The following CEP112 variants were observed in gnomAD, a reference collection of about 807,000 sequenced individuals.
The protein encoded by CEP112 is centrosomal protein of 112 kDa.
CEP112 carries 127 observed loss-of-function variants against 153.0 expected under a neutral mutation model. The observed-to-expected ratio is 0.83, with a 90% CI of 0.72 to 0.96. CEP112 has a LOEUF of 0.96. Ranked by LOEUF, CEP112 falls within the 40% of genes least tolerant of loss-of-function variation. The pLI is 0.00. For missense variants in CEP112, 1,089 were observed against 1,101.2 expected (o/e 0.99, Z 0.16); for synonymous variants, 358 against 374.4 (o/e 0.96, Z 0.51).
At chr17:65,731,760 C>A (rs540357750) in intron 23 of CEP112, among the ~76,000 whole-genome samples, 16 of 152,302 alleles carry the variant, frequency 1.1e-4, no homozygotes, top group Non-Finnish European at 1.9e-4. Flanking sequence ...AGCATCTTCA[C>A]CAGGATTAGA....
intron 16 of CEP112, among the ~76,000 whole-genome samples, chr17:66,014,444 T>C (rs1025364570): frequency 6.6e-6 from 1 of 152,144 alleles, no homozygotes; most frequent in South Asian, 2.1e-4. Context: ...ACAATTCTTT[T>C]AAGGCTAAAG....
intron 23 of CEP112, among the ~76,000 whole-genome samples, chr17:65,731,998 G>T (rs1221887108): frequency 2.0e-5 from 3 of 152,154 alleles, no homozygotes; most frequent in Admixed American, 1.3e-4. Flanking sequence ...CTCCTCCCAT[G>T]AATCAAAAAT....
chr17:65,894,242 C>T (rs192795933), intron 20 of CEP112, among the ~76,000 whole-genome samples: 2 of 152,108 alleles, frequency 1.3e-5, no homozygotes, highest in East Asian at 1.9e-4. Context: ...CAGAATAATG[C>T]TTTTTCTCTG....
intron 19 of CEP112, among the ~76,000 whole-genome samples, chr17:65,919,651 G>C (rs2060629443): frequency 1.3e-5 from 2 of 152,060 alleles, no homozygotes; most frequent in African/African-American, 4.8e-5. Context: ...GAAAGTCCCA[G>C]AATCTTGGTT....
chr17:65,821,504 A>G (rs1256078237), intron 21 of CEP112, among the ~76,000 whole-genome samples: 149 of 121,672 alleles, frequency 1.2e-3, no homozygotes, highest in Non-Finnish European at 2.2e-3. Flanking sequence ...AATTATATAT[A>G]TATATATAAT....
intron 8 of CEP112, among the ~76,000 whole-genome samples, chr17:66,076,128 T>C (rs1476716439): frequency 1.3e-5 from 2 of 152,176 alleles, no homozygotes; most frequent in East Asian, 1.9e-4. Context: ...GCTAGAGGCA[T>C]AGGGGGAAAT....
chr17:65,859,226 G>T (rs779601548), intron 20 of CEP112, among the ~76,000 whole-genome samples: 4 of 150,824 alleles, frequency 2.7e-5, no homozygotes, highest in Non-Finnish European at 5.9e-5. Flanking sequence ...GGCAGATCAC[G>T]AAGTCAGGAG....
chr17:65,886,279 T>C (rs1382239762), intron 20 of CEP112, among the ~76,000 whole-genome samples: 1 of 152,178 alleles, frequency 6.6e-6, no homozygotes, highest in Admixed American at 6.5e-5. Context: ...CTGACAGATG[T>C]CAGAGCCTTT....
chr17:65,761,846 G>A (rs1171472212), intron 21 of CEP112, among the ~76,000 whole-genome samples: 1 of 152,064 alleles, frequency 6.6e-6, no homozygotes, highest in East Asian at 1.9e-4. Context: ...ATGTGAGGTT[G>A]CAAAGAATGT....
chr17:66,012,238 G>A (rs150622787), intron 16 of CEP112, among the ~76,000 whole-genome samples: 1 of 152,238 alleles, frequency 6.6e-6, no homozygotes, highest in African/African-American at 2.4e-5. Context: ...TTCAAGGTTA[G>A]TATTGATATG....
chr17:65,673,348 T>C (rs2047078013), intron 24 of CEP112, among the ~76,000 whole-genome samples: 1 of 152,124 alleles, frequency 6.6e-6, no homozygotes, highest in Admixed American at 6.5e-5. Context: ...TTTTGCCACA[T>C]TTGCCATGTT....
At chr17:65,962,661 G>A (rs1055806438) in intron 17 of CEP112, among the ~76,000 whole-genome samples, 1 of 152,172 alleles carries the variant, frequency 6.6e-6, no homozygotes, top group Non-Finnish European at 1.5e-5. Context: ...CCCACGTGTT[G>A]TGGGAGGGAC....
chr17:65,651,942 A>T (rs1164690257), intron 24 of CEP112, among the ~76,000 whole-genome samples: 1 of 152,208 alleles, frequency 6.6e-6, no homozygotes, highest in Non-Finnish European at 1.5e-5. Flanking sequence ...ACCTCAGGTG[A>T]TCCGCCTGCC....
intron 20 of CEP112, among the ~76,000 whole-genome samples, chr17:65,861,409 T>C (rs1312606372): frequency 6.6e-6 from 1 of 152,084 alleles, no homozygotes; most frequent in African/African-American, 2.4e-5. Flanking sequence ...ATGAATTAGA[T>C]TGCAATACAG....
rs184393304 is a variant in CEP112 at position 65,904,207 on chromosome 17, C to T, written c.1981-1873G>A. Among the ~76,000 whole-genome samples, 22 of 152,294 alleles carry T rather than the reference C, an allele frequency of 1.4e-4. No homozygotes were observed. The East Asian group carries it at 3.9e-3, about 27-fold the overall frequency. ...TGATTGTATATTTGGAAAACCCCAT[C>T]GTCTCAGCCCCAAATCTCCTTAAGC... On this transcript the variant is annotated intron_variant, in intron 19 of 26. Coordinates refer to ENST00000535342, the MANE Select transcript of CEP112 (RefSeq NM_001199165.4).
At chr17:66,038,877 C>T (rs7215935) in intron 12 of CEP112, among the ~76,000 whole-genome samples, 78,171 of 151,802 alleles carry the variant, frequency 0.51, 21,055 homozygotes, top group African/African-American at 0.59. Context: ...CATCTATTGG[C>T]TATGGAGTAA....
chr17:66,036,545 G>T (rs2065749290), intron 12 of CEP112, among the ~76,000 whole-genome samples: 1 of 152,140 alleles, frequency 6.6e-6, no homozygotes, highest in Non-Finnish European at 1.5e-5. Flanking sequence ...CAGGCACTGT[G>T]CTAAGTGTTT....
chr17:66,186,314 T>G (rs74992837), intron 1 of CEP112, among the ~76,000 whole-genome samples: 15,220 of 152,124 alleles, frequency 0.1, 1,108 homozygotes, highest in South Asian at 0.24. Context: ...ATTTCTTTCG[T>G]TTTTTGAGAC....
chr17:66,176,897 C>T lies in CEP112; in HGVS notation c.230G>A (p.Gly77Asp), dbSNP rs770268164. ...GTGTGTAAAAGGGCCTTCAAGCGCACCTCGTTTAAGCATATGCAATAACAA... is the reference window on the plus strand; with the variant it reads ...GTGTGTAAAAGGGCCTTCAAGCGCATCTCGTTTAAGCATATGCAATAACAA... ...AKLLLHMLKR[G>D]ALEGPFTHRP... The change falls in exon 3 of 27, where the codon GGT (glycine) becomes GAT (aspartate). Residue 77 changes from glycine to aspartate, a missense_variant. Transcript: ENST00000535342. The T allele has an allele frequency of 3.1e-6, 5 of 1,613,798 alleles. No individual in the cohort carries two copies. In the Admixed American group the frequency reaches 6.7e-5, roughly 22 times the overall value.
Sources: gnomAD v4.1 joint callset for allele counts (sites outside exome capture counted in the v4.1 genomes callset) on GRCh38, gnomAD v4.1.1 for gene constraint, MANE v1.5 for transcripts, NCBI Gene and HGNC (gene_info 2026-07-23, HGNC 2026-07-21) for gene names.